Variants in COL4A1 observed in about 807,000 individuals in gnomAD.
The protein encoded by COL4A1 is collagen alpha-1(IV) chain.
In COL4A1, 40 loss-of-function variants were observed where a neutral mutation model predicts 216.6. The ratio of observed to expected loss-of-function variants is 0.18; its 90% CI spans 0.14 to 0.24. The LOEUF (loss-of-function observed/expected upper bound fraction) is 0.24. Among genes scored for constraint, COL4A1 ranks in the 10% least tolerant of loss-of-function variants. The pLI, the probability that COL4A1 is intolerant of heterozygous loss-of-function variation, is 1.00. For missense variants in COL4A1, 1,628 were observed against 2,196.8 expected (o/e 0.74, Z 5.18); for synonymous variants, 839 against 810.7 (o/e 1.03, Z -0.59).
intron 1 of COL4A1, among the ~76,000 whole-genome samples, chr13:110,289,545 TGTCA>T (rs1883998618): frequency 6.6e-6 from 1 of 152,206 alleles, no homozygotes; most frequent in South Asian, 2.1e-4. Context: ...CTTGGTCAGT[TGTCA>T]GTGTTTCCTC....
chr13:110,219,688 ATG>A (rs1210149468), intron 2 of COL4A1, among the ~76,000 whole-genome samples: 3 of 114,050 alleles, frequency 2.6e-5, no homozygotes, highest in Non-Finnish European at 5.5e-5. Flanking sequence ...GTGTATATAT[ATG>A]TATATATATG....
chr13:110,233,145 A>G (rs1881143530), intron 2 of COL4A1, among the ~76,000 whole-genome samples: 1 of 152,198 alleles, frequency 6.6e-6, no homozygotes, highest in Non-Finnish European at 1.5e-5. Context: ...CCTTGAATTC[A>G]GGCATATTTT....
chr13:110,169,683 T>C lies in COL4A1; in HGVS notation c.3822A>G (p.Pro1274=), dbSNP rs746243053. Residue 1274 remains proline, a synonymous_variant, in exon 43 of 52, where the codon CCA becomes CCG. Coordinates refer to ENST00000375820, the MANE Select transcript of COL4A1 (RefSeq NM_001845.6). ...VKGDKGNPGW[P]GAPGVPGPKG... is the part of the protein sequence containing the mutation. ...TGGGCCCTGGGACACCGGGTGCTCC[T>C]GGCCAGCCTGGATTTCCTTTGTCAC... The C allele has an allele frequency of 1.9e-6, 3 of 1,614,166 alleles. No individual in the cohort carries two copies. Among genetic ancestry groups the C allele is most frequent in the Non-Finnish European group, 2.5e-6 (3 of 1,180,030 alleles).
chr13:110,241,197 C>T (rs936467300), intron 2 of COL4A1, among the ~76,000 whole-genome samples: 10 of 152,186 alleles, frequency 6.6e-5, no homozygotes, highest in Non-Finnish European at 7.4e-5. Context: ...TTTATAGATG[C>T]GGATAGAATA....
intron 2 of COL4A1, among the ~76,000 whole-genome samples, chr13:110,222,243 A>C (rs934372507): frequency 2.0e-5 from 3 of 152,018 alleles, no homozygotes; most frequent in African/African-American, 7.2e-5. Flanking sequence ...ATGGGATCTC[A>C]GCCAAGCACC....
chr13:110,164,289 C>T (rs1218492355), intron 46 of COL4A1, among the ~76,000 whole-genome samples: 1 of 152,198 alleles, frequency 6.6e-6, no homozygotes, highest in African/African-American at 2.4e-5. Flanking sequence ...CCCAGTGAGC[C>T]TGGCTAGCTT....
chr13:110,160,584 T>G (rs1877037819), intron 49 of COL4A1, among the ~76,000 whole-genome samples: 1 of 152,104 alleles, frequency 6.6e-6, no homozygotes, highest in African/African-American at 2.4e-5. Context: ...AAGAATCGAG[T>G]GGCATCACCT....
intron 1 of COL4A1, among the ~76,000 whole-genome samples, chr13:110,262,446 C>A (rs940674682): frequency 6.6e-6 from 1 of 152,236 alleles, no homozygotes; most frequent in Non-Finnish European, 1.5e-5. Flanking sequence ...TAGAGCAAAT[C>A]AGAAGGCAAA....
At chr13:110,218,747 TGA>T (rs1403603196) in intron 2 of COL4A1, among the ~76,000 whole-genome samples, 1 of 152,190 alleles carries the variant, frequency 6.6e-6, no homozygotes, top group Non-Finnish European at 1.5e-5. Flanking sequence ...CAGCAGTGGC[TGA>T]GAGGTGCAGG....
rs1375913383 is a variant in COL4A1 at position 110,183,196 on chromosome 13, G to A, written c.1978C>T (p.Pro660Ser). The change falls in exon 27 of 52, where the codon CCA becomes TCA. Residue 660 changes from proline (P) to serine (S), a missense_variant. This residue lies in a region of COL4A1 where 701 missense variants were observed against 892.5 expected (regional missense o/e 0.79). Transcript: ENST00000375820. Reference sequence around the variant, plus strand: ...ATTCCAATCGTACCTTGGGGACCTGGGAAGCCTGGGGACCCCGGCAGTCCT... The same window carrying A: ...ATTCCAATCGTACCTTGGGGACCTGAGAAGCCTGGGGACCCCGGCAGTCCT... ...AEGLPGSPGF[P>S]GPQGDRGFPG... 6.2e-7 allele frequency: 1 copy of A among 1,613,864 alleles called. No homozygotes were observed. The highest frequency in any genetic ancestry group is 8.5e-7 in the Non-Finnish European group (1 of 1,179,988).
At chr13:110,287,159 T>C (rs573753653) in intron 1 of COL4A1, among the ~76,000 whole-genome samples, 6 of 152,312 alleles carry the variant, frequency 3.9e-5, no homozygotes, top group African/African-American at 1.4e-4. Context: ...CACAGGGCAC[T>C]GGACATGCAG....
At chr13:110,277,167 G>A (rs1883463180) in intron 1 of COL4A1, among the ~76,000 whole-genome samples, 2 of 152,046 alleles carry the variant, frequency 1.3e-5, no homozygotes, top group African/African-American at 2.4e-5. Context: ...TTATCAATAC[G>A]GTCCTCTGTA....
intron 2 of COL4A1, among the ~76,000 whole-genome samples, chr13:110,230,234 G>A (rs749976369): frequency 3.9e-5 from 6 of 152,088 alleles, no homozygotes; most frequent in Non-Finnish European, 5.9e-5. Context: ...AGTGGTGTGT[G>A]TGGTATGTAT....
At chr13:110,253,614 ATATACT>A (rs1323107151) in intron 1 of COL4A1, among the ~76,000 whole-genome samples, 19 of 144,932 alleles carry the variant, frequency 1.3e-4, no homozygotes, top group South Asian at 2.1e-4. Flanking sequence ...TATGTATTAC[ATATACT>A]TATAATTATA....
intron 24 of COL4A1, among the ~76,000 whole-genome samples, chr13:110,187,761 C>T (rs1314341365): frequency 6.6e-6 from 1 of 152,192 alleles, no homozygotes; most frequent in Non-Finnish European, 1.5e-5. Context: ...CTCAGCTCTG[C>T]CTGCTGCCTC....
chr13:110,254,118 C>G (rs1483142459), intron 1 of COL4A1, among the ~76,000 whole-genome samples: 1 of 152,174 alleles, frequency 6.6e-6, no homozygotes, highest in East Asian at 1.9e-4. Context: ...CCAACTGGGT[C>G]TAGGTTTGAA....
At chr13:110,273,925 C>T (rs1196914755) in intron 1 of COL4A1, among the ~76,000 whole-genome samples, 1 of 152,200 alleles carries the variant, frequency 6.6e-6, no homozygotes, top group Non-Finnish European at 1.5e-5. Context: ...GATCCCATTT[C>T]CCTTCCTTTC....
intron 49 of COL4A1, among the ~76,000 whole-genome samples, chr13:110,160,367 C>T (rs895481286): frequency 4.9e-5 from 3 of 61,314 alleles, no homozygotes; most frequent in African/African-American, 1.9e-4. Flanking sequence ...GCGTGAACCC[C>T]GGGAAGCGGA....
At position 110,209,964 on chromosome 13, in the gene COL4A1, A is replaced by G. The variant is rs1470589239; in HGVS notation, c.615+16T>C. 1.1e-5 allele frequency: 18 copies of G among 1,613,832 alleles called. No individual in the cohort carries two copies. The highest frequency in any genetic ancestry group is 6.7e-5 in the East Asian group (3 of 44,890). ...TTTTAAATGATTGCCTCGGAGAGAC[A>G]GCCCCCAAAACTTACTGGTGGTCCG... On this transcript the variant is annotated intron_variant, in intron 10 of 51. Coordinates refer to ENST00000375820, the MANE Select transcript of COL4A1 (RefSeq NM_001845.6).
Sources: gnomAD v4.1 joint callset for allele counts (sites outside exome capture counted in the v4.1 genomes callset) on GRCh38, gnomAD v4.1.1 for gene constraint, gnomAD v4.1.1 regional missense constraint, MANE v1.5 for transcripts, NCBI Gene and HGNC (gene_info 2026-07-23, HGNC 2026-07-21) for gene names.